The following EDEM1 variants were observed in gnomAD, a reference collection of about 807,000 sequenced individuals.
EDEM1 encodes ER degradation-enhancing alpha-mannosidase-like protein 1.
A neutral mutation model predicts 74.4 loss-of-function variants in EDEM1; 67 were observed. The ratio of observed to expected loss-of-function variants is 0.90; its 90% CI spans 0.74 to 1.10. The LOEUF (loss-of-function observed/expected upper bound fraction) is 1.10, where lower values mean the gene tolerates loss of function less well. EDEM1 is among the 50% of genes least tolerant of loss of function. The pLI is 0.00. For synonymous variants in EDEM1, 382 were observed against 335.9 expected, an observed-to-expected ratio of 1.14 and a Z score of -1.50; for missense variants, 926 against 851.6, an observed-to-expected ratio of 1.09 and a Z score of -1.09.
At position 5,211,143 on chromosome 3, in the gene EDEM1, A is replaced by G; in HGVS notation, c.1607A>G (p.His536Arg). ...KVKCGYATLH[H>R]VIDKSTEDRM... ...AGGTGTGGGTACGCCACGCTGCATC[A>G]CGTCATTGACAAGTCCACAGAAGAC... is the stretch of plus-strand genomic sequence containing the variant. Residue 536 changes from histidine (H) to arginine (R), a missense_variant, in exon 10 of 12, where the codon CAC becomes CGC. Coordinates refer to ENST00000256497, the MANE Select transcript of EDEM1 (RefSeq NM_014674.3). 3.7e-6 allele frequency: 6 copies of G among 1,614,218 alleles called. No individual in the cohort carries two copies. Among genetic ancestry groups the G allele is most frequent in the Non-Finnish European group, 5.1e-6 (6 of 1,180,038 alleles).
Position 5,208,094 on chromosome 3 carries a change from T to G in EDEM1, c.1340T>G (p.Val447Gly). 6.2e-7 allele frequency: 1 copy of G among 1,600,298 alleles called. No individual in the cohort carries two copies. The highest frequency in any genetic ancestry group is 8.5e-7 in the Non-Finnish European group (1 of 1,175,696). ...TGATGACCTGTGTCCTCTCCTTAGG[T>G]GCTGATAGGAGATGTGGAAGATGCC... is the stretch of plus-strand genomic sequence containing the variant. ...SLQAFFPGLQ[V>G]LIGDVEDAIC... Residue 447 changes from valine (V) to glycine (G), a missense_variant and splice_region_variant, in exon 8 of 12, where the codon GTG (valine) becomes GGG (glycine). Transcript: ENST00000256497.
At chr3:5,189,723 C>G (rs1319734798) in intron 1 of EDEM1, 1 of 152,318 alleles carries the variant, frequency 6.6e-6, no homozygotes, top group Non-Finnish European at 1.5e-5. Context: ...GCCTCAGCCT[C>G]CCGAGTAGCT....
At chr3:5,200,505 T>A (rs2055022016) in intron 3 of EDEM1, among the ~76,000 whole-genome samples, 1 of 152,264 alleles carries the variant, frequency 6.6e-6, no homozygotes, top group South Asian at 2.1e-4. Flanking sequence ...GGGATCATGC[T>A]GTATACCTAG....
In EDEM1 at chr3:5,195,342, G is replaced by A. The variant is rs2054952692; in HGVS notation, c.582+61G>A. ...GATGTTTTAGAGTTGATTATCCCTA[G>A]TTCCCTCCAGCAGTGGGAATTCCAG... On this transcript the variant is annotated intron_variant, in intron 2 of 11. Transcript: ENST00000256497. The A allele has an allele frequency of 2.8e-6, 3 of 1,058,082 alleles. 1 individual carries two copies. In the African/African-American group the frequency reaches 4.8e-5, roughly 17 times the overall value. The allele number at this position is 1,058,082 out of a possible 1,614,324, so 65.5% of individuals were successfully genotyped here.
rs2054949841 is a variant in EDEM1 at position 5,195,221 on chromosome 3, C to T, written c.522C>T (p.Asn174=). The T allele has an allele frequency of 6.5e-7, 1 of 1,533,878 alleles. No individual in the cohort carries two copies. The highest frequency in any genetic ancestry group is 1.4e-5 in the African/African-American group (1 of 72,358). ...GPDRGDPSNL[N]INDVLGNYSL... ...TTTTCTTTTTCAGTTCAAATCTGAA[C>T]ATCAATGATGTACTAGGGAACTACT... is the stretch of plus-strand genomic sequence containing the variant. Residue 174 remains asparagine, a synonymous_variant, in exon 2 of 12, where the codon AAC becomes AAT. Coordinates refer to ENST00000256497, the MANE Select transcript of EDEM1 (RefSeq NM_014674.3).
intron 7 of EDEM1, 145 bp from the exon 8 acceptor site, chr3:5,207,948 A>G (rs1223784141): frequency 2.2e-6 from 2 of 908,802 alleles, no homozygotes; most frequent in African/African-American, 3.4e-5. Context: ...CTGGGTTGTC[A>G]CTTTTGGGTT....
intron 3 of EDEM1, among the ~76,000 whole-genome samples, chr3:5,200,024 C>T (rs2055015600): frequency 6.6e-6 from 1 of 151,872 alleles, no homozygotes; most frequent in South Asian, 2.1e-4. Flanking sequence ...CAATCTCCAC[C>T]TCCCAGGTTC....
rs1575589933 is a variant in EDEM1 at position 5,207,161 on chromosome 3, C to T, written c.1226C>T (p.Ala409Val). ...IQNYLRRGRE[A>V]CNEGEGDPPL... is the part of the protein sequence containing the mutation. ...GCTGCTTGGGTTTGCAGGCGGGAAG[C>T]CTGCAATGAAGGAGAAGGAGACCCT... The change falls in exon 7 of 12, where the codon GCC (alanine) becomes GTC (valine). Residue 409 changes from alanine to valine, a missense_variant. By Grantham distance (64) the Ala-to-Val change is moderately conservative (BLOSUM62 0). Transcript: ENST00000256497. 1 of 1,613,878 alleles carries T rather than the reference C, an allele frequency of 6.2e-7. No individual in the cohort carries two copies. The highest frequency in any genetic ancestry group is 1.3e-5 in the African/African-American group (1 of 74,912).
chr3:5,188,185 G>A lies in EDEM1; in HGVS notation c.380G>A (p.Arg127His), dbSNP rs771502323. ...AGCGGCGCCTTCCCTCCGCAGCTGCGTGCCCAGATGCGCGACCTGGCACGG... is the reference window on the plus strand; with the variant it reads ...AGCGGCGCCTTCCCTCCGCAGCTGCATGCCCAGATGCGCGACCTGGCACGG... ...RYSGAFPPQL[R>H]AQMRDLARGM... The change falls in exon 1 of 12, where the codon CGT becomes CAT. Residue 127 changes from arginine (R) to histidine (H), a missense_variant. Arg to His is a conservative substitution (Grantham distance 29, BLOSUM62 0). Coordinates refer to ENST00000256497, the MANE Select transcript of EDEM1 (RefSeq NM_014674.3). 10 of 1,570,376 alleles carry A rather than the reference G, an allele frequency of 6.4e-6. No homozygotes were observed. The African/African-American group carries it at 1.2e-4, about 20-fold the overall frequency.
intron 2 of EDEM1, among the ~76,000 whole-genome samples, chr3:5,196,346 C>G (rs2054966783): frequency 1.3e-5 from 2 of 152,080 alleles, no homozygotes; most frequent in Non-Finnish European, 2.9e-5. Flanking sequence ...GGTCCCAGCT[C>G]TTCAAGAGGC....
chr3:5,199,232 T>C (rs2055006302), intron 2 of EDEM1, among the ~76,000 whole-genome samples: 2 of 152,386 alleles, frequency 1.3e-5, no homozygotes, highest in African/African-American at 4.8e-5. Context: ...TTCAGTTTTC[T>C]GATTTATTTG....
chr3:5,219,788 G>C lies in EDEM1; in HGVS notation c.*3870G>C, dbSNP rs1450954033. On this transcript the variant is annotated 3_prime_UTR_variant, in exon 12 of 12. Coordinates refer to ENST00000256497, the MANE Select transcript of EDEM1 (RefSeq NM_014674.3). ...GTAATGTGCAATATGCTTTGCAACT[G>C]TAGATGATATTTTATGTTTAATCTG... 1 of 152,588 alleles carries C rather than the reference G, an allele frequency of 6.6e-6. No individual in the cohort carries two copies. Among genetic ancestry groups the C allele is most frequent in the African/African-American group, 2.4e-5 (1 of 41,428 alleles). 9.5% of individuals were successfully genotyped at this position (152,588 alleles called of 1,614,324 possible).
rs139713977 is a variant in EDEM1, at chr3:5,210,491, T to C, written c.1583+243T>C. On this transcript the variant is annotated intron_variant, in intron 9 of 11. Transcript: ENST00000256497. ...CATTCTAACTTCTTTCCCCTAGTTA[T>C]ATAATAACATATACGCTAAAATGTT... Among the ~76,000 whole-genome samples, 210 of 152,316 alleles carry C rather than the reference T, an allele frequency of 1.4e-3. 1 individual carries two copies. The highest frequency in any genetic ancestry group is 4.9e-3 in the African/African-American group (203 of 41,556).
intron 8 of EDEM1, among the ~76,000 whole-genome samples, chr3:5,208,890 T>C (rs1349452786): frequency 6.6e-6 from 1 of 152,106 alleles, no homozygotes; most frequent in Non-Finnish European, 1.5e-5. Context: ...TGAAGCCAGG[T>C]ATTTATACTT....
At chr3:5,198,003 ACTTC>A (rs1336685891) in intron 2 of EDEM1, among the ~76,000 whole-genome samples, 3 of 152,114 alleles carry the variant, frequency 2.0e-5, no homozygotes, top group Non-Finnish European at 4.4e-5. Flanking sequence ...GTGAGGGGGC[ACTTC>A]CAAGTCACAG....
At chr3:5,199,425 C>T (rs1258478181) in intron 2 of EDEM1, among the ~76,000 whole-genome samples, 167 bp from the exon 3 acceptor site, 1 of 152,190 alleles carries the variant, frequency 6.6e-6, no homozygotes, top group Non-Finnish European at 1.5e-5. Flanking sequence ...CAGCCATGTG[C>T]TGGGAATATA....
In EDEM1 at chr3:5,208,177, A is replaced by T; in HGVS notation, c.1423A>T (p.Arg475Ter). 6.2e-7 allele frequency: 1 copy of T among 1,613,398 alleles called. No homozygotes were observed. Among genetic ancestry groups the T allele is most frequent in the South Asian group, 1.1e-5 (1 of 91,026 alleles). ...GAAACGATATGGTGCCCTCCCTGAG[A>T]GATATAACTGGCAGCTGCAGGCCCC... ...IWKRYGALPE[R>*]YNWQLQAPDV... Residue 475 changes from arginine to a stop codon, truncating the protein, a stop_gained, in exon 8 of 12, where the codon AGA (arginine) becomes TGA (stop). Transcript: ENST00000256497. LOFTEE classifies it high-confidence loss of function.
At chr3:5,200,859 C>T (rs1474219748) in intron 3 of EDEM1, among the ~76,000 whole-genome samples, 1 of 150,364 alleles carries the variant, frequency 6.7e-6, no homozygotes, top group African/African-American at 2.5e-5. Flanking sequence ...GTTGTCTTAC[C>T]TTTCTCTGTT....
chr3:5,206,975 C>T (rs2055105210), intron 6 of EDEM1, among the ~76,000 whole-genome samples, 178 bp from the exon 7 acceptor site: 1 of 152,242 alleles, frequency 6.6e-6, no homozygotes, highest in African/African-American at 2.4e-5. Flanking sequence ...ATATTATCTT[C>T]TGCTAGAGTC....
Sources: allele counts gnomAD v4.1 joint callset (sites outside exome capture counted in the v4.1 genomes callset), GRCh38; gene constraint gnomAD v4.1.1; transcripts MANE v1.5; gene names NCBI Gene and HGNC (gene_info 2026-07-23, HGNC 2026-07-21).